Variants in GTF2I observed in about 807,000 individuals in gnomAD.
GTF2I encodes general transcription factor II-I.
A neutral mutation model predicts 67.6 loss-of-function variants in GTF2I; 12 were observed. That is an observed-to-expected ratio of 0.18 (90% CI 0.11 to 0.29). The LOEUF is 0.29. GTF2I is among the 10% of genes least tolerant of loss of function. GTF2I has a pLI of 1.00. For synonymous variants in GTF2I, 149 were observed against 197.0 expected (o/e 0.76, Z 2.04); for missense variants, 271 against 580.1 (o/e 0.47, Z 5.47).
chr7:74,739,077 C>A, intron 19 of GTF2I, among the ~76,000 whole-genome samples: 1 of 25,370 alleles, frequency 3.9e-5, no homozygotes, highest in Admixed American at 5.3e-4. Context: ...GTCATCCAGG[C>A]TGGAGTGCAG....
intron 3 of GTF2I, among the ~76,000 whole-genome samples, 177 bp downstream of exon 3, chr7:74,691,288 C>T (rs1242163841): frequency 2.0e-5 from 3 of 151,364 alleles, no homozygotes; most frequent in Non-Finnish European, 4.4e-5. Flanking sequence ...CTCACCACAA[C>T]CCCCGCTGCG....
intron 3 of GTF2I, among the ~76,000 whole-genome samples, chr7:74,696,667 T>G (rs935519145): frequency 8.6e-5 from 13 of 152,030 alleles, no homozygotes; most frequent in Non-Finnish European, 2.9e-5. Context: ...TAATTTTTTG[T>G]ATTTTTTAGT....
intron 3 of GTF2I, among the ~76,000 whole-genome samples, chr7:74,698,172 G>A (rs1377456132): frequency 6.6e-6 from 1 of 152,048 alleles, no homozygotes; most frequent in African/African-American, 2.4e-5. Flanking sequence ...AGCCAGGATG[G>A]TCTCGATCTC....
chr7:74,697,629 A>G (rs1554398657), intron 3 of GTF2I, among the ~76,000 whole-genome samples: 2 of 152,178 alleles, frequency 1.3e-5, no homozygotes. Flanking sequence ...TTAAAGTAGT[A>G]CAAGGGTACT....
chr7:74,672,955 G>A (rs1330428391), intron 1 of GTF2I, among the ~76,000 whole-genome samples: 1 of 152,092 alleles, frequency 6.6e-6, no homozygotes, highest in Non-Finnish European at 1.5e-5. Flanking sequence ...CTGCCTCCTG[G>A]GTTCAAGCGA....
chr7:74,700,462 C>T, intron 5 of GTF2I, 32 bp downstream of exon 5: 1 of 1,610,372 alleles, frequency 6.2e-7, no homozygotes. Flanking sequence ...TACCCATCAA[C>T]AGTTGATTCG....
intron 12 of GTF2I, among the ~76,000 whole-genome samples, chr7:74,723,115 T>G (rs1793239798): frequency 7.0e-6 from 1 of 143,226 alleles, no homozygotes; most frequent in Non-Finnish European, 1.5e-5. Flanking sequence ...ATGTACCAGG[T>G]GCTAAGAGTT....
At chr7:74,697,402 A>C (rs1485105909) in intron 3 of GTF2I, among the ~76,000 whole-genome samples, 2 of 152,130 alleles carry the variant, frequency 1.3e-5, no homozygotes, top group Admixed American at 1.3e-4. Flanking sequence ...TCCAGAAAAA[A>C]AAAATTATTA....
intron 12 of GTF2I, among the ~76,000 whole-genome samples, 183 bp downstream of exon 12, chr7:74,719,124 A>C (rs1315779085): frequency 1.3e-5 from 2 of 152,240 alleles, no homozygotes; most frequent in African/African-American, 4.8e-5. Context: ...TGACAGAATG[A>C]GGCCGTGAGA....
At chr7:74,686,237 C>T (rs1787716925) in intron 1 of GTF2I, among the ~76,000 whole-genome samples, 1 of 152,114 alleles carries the variant, frequency 6.6e-6, no homozygotes, top group Non-Finnish European at 1.5e-5. Flanking sequence ...GCCTCCCATC[C>T]TTTTGTTACT....
chr7:74,696,053 G>A (rs587696786), intron 3 of GTF2I, among the ~76,000 whole-genome samples: 1 of 150,430 alleles, frequency 6.6e-6, no homozygotes, highest in Non-Finnish European at 1.5e-5. Context: ...GTGCAGTGGC[G>A]TGATCTTGGC....
chr7:74,698,475 G>A (rs1475667485), intron 3 of GTF2I, among the ~76,000 whole-genome samples: 2 of 142,894 alleles, frequency 1.4e-5, no homozygotes, highest in African/African-American at 2.6e-5. Flanking sequence ...GTATGTTCTC[G>A]GCCCCATCAT....
chr7:74,693,730 C>T (rs1788595442), intron 3 of GTF2I, among the ~76,000 whole-genome samples: 2 of 152,122 alleles, frequency 1.3e-5, no homozygotes, highest in Admixed American at 1.3e-4. Context: ...CTTGTAGTCC[C>T]AGCTATTTGG....
At chr7:74,701,143 A>G (rs1289764117) in intron 6 of GTF2I, among the ~76,000 whole-genome samples, 1 of 152,194 alleles carries the variant, frequency 6.6e-6, no homozygotes, top group African/African-American at 2.4e-5. Context: ...TTCATGAGGA[A>G]GAGAGCATTT....
At chr7:74,737,086 G>A (rs587636185) in intron 18 of GTF2I, among the ~76,000 whole-genome samples, 2 of 148,676 alleles carry the variant, frequency 1.3e-5, no homozygotes, top group African/African-American at 2.4e-5. Context: ...CCAGCTACTC[G>A]GGAGGCTGAG....
Position 74,686,836 on chromosome 7 carries a change from C to A in GTF2I, c.-5-2288C>A, listed in dbSNP as rs73137158. Among the ~76,000 whole-genome samples the A allele has an allele frequency of 6.4e-3, 972 of 152,012 alleles. 7 individuals carry two copies. Among genetic ancestry groups the A allele is most frequent in the Admixed American group, 0.012 (186 of 15,254 alleles). On this transcript the variant is annotated intron_variant, in intron 1 of 34. Transcript: ENST00000573035. ...AGTCAGGGACCCTTGTGTTGGGAATCAGATTTGCTTCTGTTTGTTCAAATA... is the reference window on the plus strand; with the variant it reads ...AGTCAGGGACCCTTGTGTTGGGAATAAGATTTGCTTCTGTTTGTTCAAATA...
chr7:74,695,144 T>C (rs1788763329), intron 3 of GTF2I, among the ~76,000 whole-genome samples: 1 of 152,244 alleles, frequency 6.6e-6, no homozygotes, highest in South Asian at 2.1e-4. Flanking sequence ...ATTTAGTTTT[T>C]TTTGAGACAG....
chr7:74,673,085 T>C (rs1251164974), intron 1 of GTF2I, among the ~76,000 whole-genome samples: 1 of 152,068 alleles, frequency 6.6e-6, no homozygotes, highest in Non-Finnish European at 1.5e-5. Flanking sequence ...TGGTCTCCAT[T>C]TCCTGACCTC....
At chr7:74,693,265 A>ATTTTTTT (rs1158949751) in intron 3 of GTF2I, among the ~76,000 whole-genome samples, 1 of 83,004 alleles carries the variant, frequency 1.2e-5, no homozygotes, top group Non-Finnish European at 2.4e-5. Flanking sequence ...CTGTAGTGGA[A>ATTTTTTT]TTTTTTTTTT....
Sources: gnomAD v4.1 joint callset for allele counts (sites outside exome capture counted in the v4.1 genomes callset) on GRCh38, gnomAD v4.1.1 for gene constraint, MANE v1.5 for transcripts, NCBI Gene and HGNC (gene_info 2026-07-23, HGNC 2026-07-21) for gene names.